ACVR1: variants seen among roughly 807,000 people sequenced by gnomAD.
ACVR1 encodes the protein activin receptor type-1.
Under a neutral mutation model 57.1 loss-of-function variants are expected in ACVR1, and 38 were observed. That is an observed-to-expected ratio of 0.67 (90% CI 0.51 to 0.87). The LOEUF is 0.87. Ranked by LOEUF, ACVR1 falls within the 40% of genes least tolerant of loss-of-function variation. ACVR1 has a pLI of 0.00. For synonymous variants in ACVR1, 212 were observed against 228.1 expected, an observed-to-expected ratio of 0.93 and a Z score of 0.63; for missense variants, 463 against 638.2, an observed-to-expected ratio of 0.73 and a Z score of 2.96.
rs1686610874 is a variant in ACVR1, at chr2:157,783,749, A to C, written c.68-3149T>G. Among the ~76,000 whole-genome samples the C allele has an allele frequency of 2.0e-5, 3 of 152,234 alleles. No individual in the cohort carries two copies. The South Asian group carries it at 6.2e-4, about 32-fold the overall frequency. ...GCTAACAGGGAAGTACAAAACCTTC[A>C]CTAACTTCTCTTTCCTATTCTGTTC... On this transcript the variant is annotated intron_variant, in intron 3 of 10. Transcript: ENST00000434821.
At chr2:157,786,609 T>A (rs1426332259) in intron 3 of ACVR1, among the ~76,000 whole-genome samples, 1 of 152,142 alleles carries the variant, frequency 6.6e-6, no homozygotes, top group Non-Finnish European at 1.5e-5. Context: ...GTGTGGTAGG[T>A]TTATTGTTTG....
chr2:157,812,842 A>C (rs1687798421), intron 2 of ACVR1, among the ~76,000 whole-genome samples: 1 of 152,202 alleles, frequency 6.6e-6, no homozygotes, highest in African/African-American at 2.4e-5. Flanking sequence ...TCATGTATTA[A>C]AATAAAATTA....
At chr2:157,770,191 C>T (rs1051148542) in intron 7 of ACVR1, among the ~76,000 whole-genome samples, 177 bp downstream of exon 7, 2 of 152,078 alleles carry the variant, frequency 1.3e-5, no homozygotes, top group Admixed American at 6.6e-5. Context: ...AACTTATTTG[C>T]AGATTTAAAT....
intron 2 of ACVR1, among the ~76,000 whole-genome samples, chr2:157,815,237 T>G (rs1181909015): frequency 6.6e-6 from 1 of 151,616 alleles, no homozygotes; most frequent in Non-Finnish European, 1.5e-5. Flanking sequence ...ATTATATGCA[T>G]GTATATTATA....
chr2:157,781,416 A>G (rs569769994), intron 3 of ACVR1, among the ~76,000 whole-genome samples: 24 of 152,246 alleles, frequency 1.6e-4, no homozygotes, highest in Non-Finnish European at 3.4e-4. Flanking sequence ...AATCCATGGT[A>G]CCAATATTTC....
intron 5 of ACVR1, among the ~76,000 whole-genome samples, chr2:157,776,083 A>C (rs939489611): frequency 6.6e-6 from 1 of 152,250 alleles, no homozygotes; most frequent in African/African-American, 2.4e-5. Flanking sequence ...TGAAACATAC[A>C]AATGAGCATA....
intron 1 of ACVR1, chr2:157,838,419 A>C (rs183579545): frequency 6.6e-6 from 1 of 152,370 alleles, no homozygotes; most frequent in East Asian, 1.9e-4. Context: ...CCTGTTGTGA[A>C]ATAAAAGTCA....
At chr2:157,853,331 G>A (rs1689390460) in intron 1 of ACVR1, among the ~76,000 whole-genome samples, 1 of 151,642 alleles carries the variant, frequency 6.6e-6, no homozygotes, top group South Asian at 2.1e-4. Flanking sequence ...TGGCTAACAG[G>A]GGCAGCCTTC....
At chr2:157,762,536 G>A (rs572010485) in intron 8 of ACVR1, among the ~76,000 whole-genome samples, 2 of 152,282 alleles carry the variant, frequency 1.3e-5, no homozygotes, top group African/African-American at 4.8e-5. Context: ...TTTAAAAGGT[G>A]CAGGTTAAAT....
chr2:157,766,864 T>C (rs1006739047), intron 7 of ACVR1, among the ~76,000 whole-genome samples: 1 of 152,188 alleles, frequency 6.6e-6, no homozygotes, highest in South Asian at 2.1e-4. Flanking sequence ...CGAAAAGTAC[T>C]ATAATATATA....
At chr2:157,775,302 G>A (rs1686238536) in intron 5 of ACVR1, among the ~76,000 whole-genome samples, 1 of 152,176 alleles carries the variant, frequency 6.6e-6, no homozygotes, top group Non-Finnish European at 1.5e-5. Flanking sequence ...AAGATTCCCA[G>A]TTAGTTCATT....
intron 1 of ACVR1, among the ~76,000 whole-genome samples, chr2:157,873,887 A>T (rs1690192346): frequency 6.6e-6 from 1 of 152,266 alleles, no homozygotes; most frequent in Admixed American, 6.5e-5. Flanking sequence ...AAATTAATAC[A>T]TTACATTCCT....
At chr2:157,872,864 G>T (rs1041494915) in intron 1 of ACVR1, among the ~76,000 whole-genome samples, 8 of 152,192 alleles carry the variant, frequency 5.3e-5, no homozygotes, top group African/African-American at 1.9e-4. Context: ...CCAAAAACCA[G>T]AACATCACCA....
At position 157,737,380 on chromosome 2, in the gene ACVR1, A is replaced by C. The variant is rs564603454; in HGVS notation, c.*151T>G. On this transcript the variant is annotated 3_prime_UTR_variant, in exon 11 of 11. Transcript: ENST00000434821. Reference sequence around the variant, plus strand: ...AGGGTGGTTTTGATGTCTCCCCAACACATGGCTGGGTACGACGTCTGCCTT... The same window carrying C: ...AGGGTGGTTTTGATGTCTCCCCAACCCATGGCTGGGTACGACGTCTGCCTT... The C allele has an allele frequency of 1.9e-6, 2 of 1,032,304 alleles. No individual in the cohort carries two copies. Among genetic ancestry groups the C allele is most frequent in the South Asian group, 2.7e-5 (2 of 72,970 alleles). The allele number at this position is 1,032,304 out of a possible 1,614,324, so 63.9% of individuals were successfully genotyped here.
chr2:157,871,641 C>T (rs1196225040), intron 1 of ACVR1, among the ~76,000 whole-genome samples: 1 of 152,182 alleles, frequency 6.6e-6, no homozygotes, highest in Non-Finnish European at 1.5e-5. Flanking sequence ...AATCAAACAA[C>T]TGAATAGCCG....
intron 1 of ACVR1, among the ~76,000 whole-genome samples, chr2:157,820,744 TC>T (rs928495894): frequency 6.6e-6 from 1 of 152,050 alleles, no homozygotes; most frequent in Non-Finnish European, 1.5e-5. Context: ...TCTTTCTAAT[TC>T]CCCTGGTATT....
intron 1 of ACVR1, among the ~76,000 whole-genome samples, chr2:157,844,754 T>C (rs1461827857): frequency 6.6e-6 from 1 of 152,096 alleles, no homozygotes; most frequent in African/African-American, 2.4e-5. Context: ...CAAGAATTCA[T>C]ACATTGGAAC....
intron 9 of ACVR1, 77 bp downstream of exon 9, chr2:157,760,802 GT>G: frequency 3.7e-6 from 5 of 1,367,508 alleles, no homozygotes; most frequent in Non-Finnish European, 5.2e-6. Flanking sequence ...AATTTCAATA[GT>G]CCCTTCAGCC....
intron 9 of ACVR1, among the ~76,000 whole-genome samples, chr2:157,739,347 C>T (rs529033363): frequency 2.0e-5 from 3 of 152,152 alleles, no homozygotes; most frequent in Admixed American, 2.0e-4. Context: ...GTAGCTAATA[C>T]CAGCTTCTGC....
Sources: gnomAD v4.1 joint callset for allele counts (sites outside exome capture counted in the v4.1 genomes callset) on GRCh38, gnomAD v4.1.1 for gene constraint, MANE v1.5 for transcripts, NCBI Gene and HGNC (gene_info 2026-07-23, HGNC 2026-07-21) for gene names.